The following TMEFF2 variants were observed in gnomAD, a reference collection of about 807,000 sequenced individuals.
TMEFF2 encodes transmembrane protein with EGF like and two follistatin like domains 2.
TMEFF2 carries 28 observed loss-of-function variants against 53.8 expected under a neutral mutation model. That is an observed-to-expected ratio of 0.52 (90% CI 0.39 to 0.71). The LOEUF (loss-of-function observed/expected upper bound fraction) is 0.71. Among genes scored for constraint, TMEFF2 ranks in the 30% least tolerant of loss-of-function variants. TMEFF2 has a pLI of 0.00. For synonymous variants in TMEFF2, 162 were observed against 166.3 expected, an observed-to-expected ratio of 0.97 and a Z score of 0.20; for missense variants, 353 against 455.2, an observed-to-expected ratio of 0.78 and a Z score of 2.04.
At chr2:192,032,733 T>G (rs1015692908) in intron 5 of TMEFF2, 1 of 152,204 alleles carries the variant, frequency 6.6e-6, no homozygotes, top group African/African-American at 2.4e-5. Context: ...CCTTCACTTA[T>G]CAGCCATAGG....
chr2:192,117,886 A>G (rs1267513054), intron 4 of TMEFF2, among the ~76,000 whole-genome samples: 3 of 149,760 alleles, frequency 2.0e-5, no homozygotes, highest in Non-Finnish European at 4.4e-5. Flanking sequence ...AGAAAATTCT[A>G]TAACCAGTGC....
At chr2:191,957,087 G>A (rs917312408) in intron 7 of TMEFF2, among the ~76,000 whole-genome samples, 1 of 152,110 alleles carries the variant, frequency 6.6e-6, no homozygotes, top group Non-Finnish European at 1.5e-5. Context: ...TTACGATAAC[G>A]AATAAACGTG....
At chr2:192,165,379 A>G (rs1321108899) in intron 4 of TMEFF2, among the ~76,000 whole-genome samples, 1 of 152,170 alleles carries the variant, frequency 6.6e-6, no homozygotes, top group Non-Finnish European at 1.5e-5. Flanking sequence ...GTCTTTCTTG[A>G]AGAGTTACAG....
chr2:192,063,956 C>T (rs529253333), intron 4 of TMEFF2, among the ~76,000 whole-genome samples: 6 of 149,922 alleles, frequency 4.0e-5, no homozygotes, highest in South Asian at 2.1e-4. Context: ...TTCTTTTAAA[C>T]GACATACAAT....
At chr2:192,103,408 T>G (rs561366588) in intron 4 of TMEFF2, among the ~76,000 whole-genome samples, 23 of 152,260 alleles carry the variant, frequency 1.5e-4, no homozygotes, top group Admixed American at 1.1e-3. Flanking sequence ...CTTTTAGTTT[T>G]GGATTCACCT....
intron 7 of TMEFF2, among the ~76,000 whole-genome samples, chr2:191,994,771 A>G (rs984118803): frequency 1.3e-5 from 2 of 151,930 alleles, no homozygotes; most frequent in Non-Finnish European, 2.9e-5. Flanking sequence ...AGACAGACCT[A>G]ACTCTAAGCC....
At chr2:192,042,111 T>C (rs996609998) in intron 5 of TMEFF2, among the ~76,000 whole-genome samples, 1 of 151,572 alleles carries the variant, frequency 6.6e-6, no homozygotes, top group East Asian at 1.9e-4. Flanking sequence ...TGAGGCAGGA[T>C]AATCACTTAA....
intron 7 of TMEFF2, among the ~76,000 whole-genome samples, chr2:191,975,060 G>T (rs1685677631): frequency 6.6e-6 from 1 of 151,404 alleles, no homozygotes; most frequent in Non-Finnish European, 1.5e-5. Flanking sequence ...ACAACAAAAT[G>T]ATAAAATGTT....
intron 5 of TMEFF2, among the ~76,000 whole-genome samples, chr2:192,055,101 A>G (rs966417095): frequency 3.3e-5 from 5 of 152,256 alleles, no homozygotes; most frequent in Non-Finnish European, 7.3e-5. Context: ...ACAATTTATA[A>G]GAAAACAGCT....
At chr2:192,098,117 T>C (rs1265366301) in intron 4 of TMEFF2, among the ~76,000 whole-genome samples, 1 of 152,170 alleles carries the variant, frequency 6.6e-6, no homozygotes, top group African/African-American at 2.4e-5. Context: ...AAAATAATAT[T>C]CTCAAATTTG....
chr2:191,981,526 G>A (rs1217705976), intron 7 of TMEFF2, among the ~76,000 whole-genome samples: 6 of 152,164 alleles, frequency 3.9e-5, no homozygotes, highest in South Asian at 2.1e-4. Flanking sequence ...ATGAGATAGC[G>A]TGTTGTATAT....
At chr2:191,954,962 G>A (rs944959922) in intron 8 of TMEFF2, among the ~76,000 whole-genome samples, 1 of 152,064 alleles carries the variant, frequency 6.6e-6, no homozygotes, top group African/African-American at 2.4e-5. Context: ...ACTACATCCT[G>A]AGAAATTTTT....
rs534713866 is a variant in TMEFF2, at chr2:192,000,966, C to A, written c.537-1758G>T. 6.6e-5 allele frequency among the ~76,000 whole-genome samples: 10 copies of A among 152,266 alleles called. No individual in the cohort carries two copies. The South Asian group carries it at 1.9e-3, about 28-fold the overall frequency. Reference sequence around the variant, plus strand: ...CATGACATTGCTACCTCAGCTGATTCTTGGCATCTGAAAACCTGAGATCAG... The same window carrying A: ...CATGACATTGCTACCTCAGCTGATTATTGGCATCTGAAAACCTGAGATCAG... On this transcript the variant is annotated intron_variant, in intron 5 of 9. Transcript: ENST00000272771.
chr2:192,123,525 A>T (rs1198916742), intron 4 of TMEFF2, among the ~76,000 whole-genome samples: 1 of 152,178 alleles, frequency 6.6e-6, no homozygotes, highest in Non-Finnish European at 1.5e-5. Context: ...TAGTAAATCC[A>T]GATGATCTAT....
chr2:191,977,878 T>C (rs973540671), intron 7 of TMEFF2, among the ~76,000 whole-genome samples: 6 of 152,208 alleles, frequency 3.9e-5, no homozygotes, highest in Non-Finnish European at 8.8e-5. Flanking sequence ...AATGATGAGA[T>C]TCTGTAATAC....
At chr2:192,134,065 G>T (rs1226179245) in intron 4 of TMEFF2, among the ~76,000 whole-genome samples, 1 of 152,124 alleles carries the variant, frequency 6.6e-6, no homozygotes, top group African/African-American at 2.4e-5. Flanking sequence ...TGCGTGCAGC[G>T]GCTGCCACTG....
intron 4 of TMEFF2, among the ~76,000 whole-genome samples, chr2:192,085,047 T>A (rs1470816040): frequency 6.6e-6 from 1 of 152,186 alleles, no homozygotes; most frequent in Non-Finnish European, 1.5e-5. Flanking sequence ...GCTTCTTTTC[T>A]CGTCTCCTTC....
At chr2:191,973,426 TACACATACAC>T (rs1487901303) in intron 7 of TMEFF2, among the ~76,000 whole-genome samples, 1 of 152,188 alleles carries the variant, frequency 6.6e-6, no homozygotes, top group African/African-American at 2.4e-5. Flanking sequence ...TGTGTGTATA[TACACATACAC>T]GCACATGCAT....
chr2:192,130,882 A>C (rs1285646785), intron 4 of TMEFF2, among the ~76,000 whole-genome samples: 2 of 145,878 alleles, frequency 1.4e-5, no homozygotes, highest in Non-Finnish European at 3.0e-5. Context: ...GGGTTGGGGT[A>C]CTTGCCCCAA....
Sources: gnomAD v4.1 joint callset for allele counts (sites outside exome capture counted in the v4.1 genomes callset) on GRCh38, gnomAD v4.1.1 for gene constraint, MANE v1.5 for transcripts, NCBI Gene and HGNC (gene_info 2026-07-23, HGNC 2026-07-21) for gene names.